The following NBEA variants were observed in gnomAD, a reference collection of about 807,000 sequenced individuals.
The protein encoded by NBEA is neurobeachin, also known as lysosomal-trafficking regulator 2.
A neutral mutation model predicts 343.4 loss-of-function variants in NBEA; 44 were observed. That is an observed-to-expected ratio of 0.13 (90% CI 0.10 to 0.16). NBEA has a LOEUF of 0.16. NBEA is among the 10% of genes least tolerant of loss of function. The pLI is 1.00. For missense variants in NBEA, 2,555 were observed against 3,631.3 expected, an observed-to-expected ratio of 0.70 and a Z score of 7.62; for synonymous variants, 1,175 against 1,238.7, an observed-to-expected ratio of 0.95 and a Z score of 1.08.
chr13:34,973,515 C>A (rs985058076), intron 1 of NBEA, among the ~76,000 whole-genome samples: 3 of 152,110 alleles, frequency 2.0e-5, no homozygotes, highest in African/African-American at 7.2e-5. Flanking sequence ...GGAGGTCCCC[C>A]TTGCGAGGTC....
At chr13:35,301,650 CA>C (rs2036556568) in intron 35 of NBEA, among the ~76,000 whole-genome samples, 1 of 152,066 alleles carries the variant, frequency 6.6e-6, no homozygotes, top group African/African-American at 2.4e-5. Flanking sequence ...AATAAACATA[CA>C]TGTGCATGTG....
Position 35,157,078 on chromosome 13 carries a change from A to G in NBEA, c.2652A>G (p.Arg884=), listed in dbSNP as rs1188258577. 2 of 1,539,702 alleles carry G rather than the reference A, an allele frequency of 1.3e-6. No homozygotes were observed. Among genetic ancestry groups the G allele is most frequent in the South Asian group, 1.3e-5 (1 of 76,992 alleles). ...KLFSNSRENR[R]CLLQCSVWQD... ...TGAGATCAAATTTTTTTCTCCCTAG[A>G]TGCTTATTGCAGTGTTCAGTGTGGC... The change falls in exon 21 of 59, where the codon AGA becomes AGG. Residue 884 remains arginine, a splice_region_variant and synonymous_variant. Transcript: ENST00000379939.
intron 36 of NBEA, among the ~76,000 whole-genome samples, chr13:35,314,565 G>C (rs1416824103): frequency 2.6e-5 from 4 of 151,908 alleles, no homozygotes; most frequent in Non-Finnish European, 5.9e-5. Context: ...TTTTATGGCT[G>C]TTCCACAATG....
chr13:35,143,457 T>G (rs1401459946), intron 18 of NBEA, among the ~76,000 whole-genome samples: 1 of 152,210 alleles, frequency 6.6e-6, no homozygotes, highest in Non-Finnish European at 1.5e-5. Flanking sequence ...AATCTCACAC[T>G]TTGAAATACA....
chr13:35,322,185 C>T (rs917663306), intron 36 of NBEA, among the ~76,000 whole-genome samples: 6 of 152,148 alleles, frequency 3.9e-5, no homozygotes, highest in African/African-American at 7.2e-5. Flanking sequence ...TCTGCCCAAA[C>T]GGCTGTCCAG....
chr13:35,056,378 T>C (rs1026974446), intron 7 of NBEA, among the ~76,000 whole-genome samples: 7 of 152,136 alleles, frequency 4.6e-5, no homozygotes, highest in African/African-American at 7.2e-5. Flanking sequence ...ATGAATCCTG[T>C]ATTCTGTTTT....
intron 34 of NBEA, among the ~76,000 whole-genome samples, chr13:35,249,151 C>CAAAAAAAAAAAAAAAAAAAAAAAA (rs1179922550): frequency 2.0e-5 from 1 of 49,710 alleles, no homozygotes; most frequent in Non-Finnish European, 4.2e-5. Context: ...CTCCATCTTA[C>CAAAAAAAAAAAAAAAAAAAAAAAA]AAAAAAAAAA....
chr13:35,621,458 C>T (rs940991008), intron 48 of NBEA, among the ~76,000 whole-genome samples: 1 of 152,164 alleles, frequency 6.6e-6, no homozygotes, highest in African/African-American at 2.4e-5. Flanking sequence ...TACACATACA[C>T]CCTACTCCCC....
chr13:35,040,476 A>G (rs953738529), intron 1 of NBEA, among the ~76,000 whole-genome samples: 1 of 151,736 alleles, frequency 6.6e-6, no homozygotes, highest in East Asian at 1.9e-4. Context: ...TATGAGTTTC[A>G]TATTTCTTTA....
Position 35,177,112 on chromosome 13 carries a change from T to C in NBEA, c.4662+9T>C, listed in dbSNP as rs749301904. 5.7e-6 allele frequency: 9 copies of C among 1,570,006 alleles called. No homozygotes were observed. The Middle Eastern group carries it at 5.0e-4, about 87-fold the overall frequency. On this transcript the variant is annotated intron_variant, in intron 28 of 58. Transcript: ENST00000379939. ...TTGTCTTTCGGGATGTGGTAAGTTA[T>C]ACCTGATTGGTTTCCCTGAAATAAA...
chr13:35,004,335 G>C (rs1208166841), intron 1 of NBEA, among the ~76,000 whole-genome samples: 1 of 152,082 alleles, frequency 6.6e-6, no homozygotes, highest in Non-Finnish European at 1.5e-5. Flanking sequence ...CTGGCTCTAG[G>C]TCTTTGAGGA....
intron 45 of NBEA, among the ~76,000 whole-genome samples, chr13:35,581,997 T>C (rs2081071211): frequency 6.6e-6 from 1 of 151,932 alleles, no homozygotes; most frequent in African/African-American, 2.4e-5. Context: ...GAAAAACTCA[T>C]TACTTTCGGC....
chr13:35,158,245 C>G (rs920034435), intron 21 of NBEA, among the ~76,000 whole-genome samples: 7 of 152,034 alleles, frequency 4.6e-5, no homozygotes, highest in Non-Finnish European at 1.0e-4. Context: ...TCCCCCCAAT[C>G]TAAAATTCTG....
chr13:35,190,843 A>G (rs999355178), intron 30 of NBEA, among the ~76,000 whole-genome samples: 13 of 152,188 alleles, frequency 8.5e-5, no homozygotes, highest in African/African-American at 2.9e-4. Context: ...ACTTTAAACC[A>G]GCTATTTTAC....
chr13:35,094,375 A>G (rs2065230305), intron 10 of NBEA, among the ~76,000 whole-genome samples: 1 of 152,070 alleles, frequency 6.6e-6, no homozygotes, highest in Non-Finnish European at 1.5e-5. Context: ...CTTGTATTTT[A>G]CTGTGTTGCA....
intron 10 of NBEA, among the ~76,000 whole-genome samples, chr13:35,074,724 T>A (rs2064035668): frequency 6.6e-6 from 1 of 152,160 alleles, no homozygotes; most frequent in South Asian, 2.1e-4. Flanking sequence ...GTATACAACA[T>A]GATGTTATGG....
At chr13:35,352,428 T>A in intron 38 of NBEA, 105 bp downstream of exon 38, 1 of 622,652 alleles carries the variant, frequency 1.6e-6, no homozygotes, top group Non-Finnish European at 2.3e-6. Context: ...AAATATAATT[T>A]AAAATATAAA....
At chr13:35,037,296 T>G (rs941739832) in intron 1 of NBEA, among the ~76,000 whole-genome samples, 1 of 152,232 alleles carries the variant, frequency 6.6e-6, no homozygotes, top group Admixed American at 6.5e-5. Context: ...TCTGAATGCC[T>G]TCTCTGTGTT....
intron 34 of NBEA, among the ~76,000 whole-genome samples, chr13:35,258,748 C>T (rs1314077957): frequency 2.0e-5 from 3 of 152,120 alleles, no homozygotes; most frequent in South Asian, 2.1e-4. Flanking sequence ...GATATCTGTA[C>T]AGGCAGTCCT....
Sources: allele counts gnomAD v4.1 joint callset (sites outside exome capture counted in the v4.1 genomes callset), GRCh38; gene constraint gnomAD v4.1.1; transcripts MANE v1.5; gene names NCBI Gene and HGNC (gene_info 2026-07-23, HGNC 2026-07-21).